Variants in HSP90AA1 observed in about 807,000 individuals in gnomAD.
HSP90AA1 encodes the protein heat shock protein 90 alpha family class A member 1, also known as heat shock protein HSP 90-alpha.
HSP90AA1 carries 18 observed loss-of-function variants against 73.3 expected under a neutral mutation model. The ratio of observed to expected loss-of-function variants is 0.25; its 90% confidence interval spans 0.17 to 0.36. The LOEUF (loss-of-function observed/expected upper bound fraction) is 0.36. Ranked by LOEUF, HSP90AA1 falls within the 10% of genes least tolerant of loss-of-function variation. HSP90AA1 has a pLI of 1.00. For missense variants in HSP90AA1, 704 were observed against 874.2 expected (o/e 0.81, Z 2.45); for synonymous variants, 477 against 296.9 (o/e 1.61, Z -6.24).
chr14:102,091,627 A>C (rs919845776), upstream of HSP90AA1, among the ~76,000 whole-genome samples: 6 of 151,948 alleles, frequency 3.9e-5, no homozygotes, highest in African/African-American at 1.4e-4. Flanking sequence ...CTGTCTCAAA[A>C]AAACAAACAA....
intron 1 of HSP90AA1, among the ~76,000 whole-genome samples, chr14:102,117,079 G>A (rs1375797189): frequency 6.6e-6 from 1 of 152,214 alleles, no homozygotes; most frequent in Non-Finnish European, 1.5e-5. Flanking sequence ...GCTCAGTGCA[G>A]CACTAACATG....
Position 102,083,289 on chromosome 14 carries a change from G to A in HSP90AA1, c.1500C>T (p.Asp500=), listed in dbSNP as rs765346190. The A allele has an allele frequency of 6.8e-6, 11 of 1,614,012 alleles. No individual in the cohort carries two copies. The highest frequency in any genetic ancestry group is 5.3e-5 in the African/African-American group (4 of 74,912). ...HIYYITGETK[D]QVANSAFVER... is the part of the protein sequence containing the mutation. ...CCACAAAGGCTGAGTTAGCTACCTG[G>A]TCCTTGGTCTCACCTGAGGTATTAC... The change falls in exon 9 of 11, where the codon GAC becomes GAT. Residue 500 remains aspartate (D), a synonymous_variant. Transcript: ENST00000216281.
In HSP90AA1 at chr14:102,081,729, T is replaced by C. The variant is rs2049103654; in HGVS notation, c.2182A>G (p.Met728Val). The change falls in exon 11 of 11, where the codon ATG becomes GTG. Residue 728 changes from methionine (M) to valine (V), a missense_variant. Coordinates refer to ENST00000216281, the MANE Select transcript of HSP90AA1 (RefSeq NM_005348.4). ...GCCAGAGATTAGTCTACTTCTTCCA[T>C]GCGTGATGTGTCGTCATCTCCTTCA... ...PLEGDDDTSR[M>V]EEVD 6.5e-7 allele frequency: 1 copy of C among 1,528,946 alleles called. No individual in the cohort carries two copies. Among genetic ancestry groups the C allele is most frequent in the Non-Finnish European group, 9.1e-7 (1 of 1,102,350 alleles). The allele number at this position is 1,528,946 out of a possible 1,614,324, so 94.7% of individuals were successfully genotyped here.
intron 1 of HSP90AA1, among the ~76,000 whole-genome samples, chr14:102,134,979 C>T (rs969624143): frequency 1.3e-5 from 2 of 151,770 alleles, no homozygotes; most frequent in Non-Finnish European, 1.5e-5. Flanking sequence ...AAAGGTTCTC[C>T]ACGTCCCCAT....
At position 102,085,309 on chromosome 14, in the gene HSP90AA1, T is replaced by A. The variant is rs748614968; in HGVS notation, c.652A>T (p.Ile218Phe). ...KKHSQFIGYP[I>F]TLFVEKERDK... Reference sequence around the variant, plus strand: ...ACATAAAAACTTACAAAAAGAGTAATGGGATATCCAATAAACTGAGAATGT... The same window carrying A: ...ACATAAAAACTTACAAAAAGAGTAAAGGGATATCCAATAAACTGAGAATGT... The change falls in exon 4 of 11, where the codon ATT becomes TTT. Residue 218 changes from isoleucine (I) to phenylalanine (F), a missense_variant. Physicochemically the swap from Ile to Phe is conservative, Grantham distance 21 (BLOSUM62 0). Transcript: ENST00000216281. 2 of 1,612,028 alleles carry A rather than the reference T, an allele frequency of 1.2e-6. No homozygotes were observed.
chr14:102,109,754 T>G (rs188607508), intron 1 of HSP90AA1, among the ~76,000 whole-genome samples: 69 of 152,024 alleles, frequency 4.5e-4, no homozygotes, highest in African/African-American at 1.7e-3. Flanking sequence ...TGATGAAAGG[T>G]TAGAACAGTT....
At chr14:102,138,013 G>GA (rs1368020915) in intron 1 of HSP90AA1, among the ~76,000 whole-genome samples, 6 of 149,768 alleles carry the variant, frequency 4.0e-5, no homozygotes, top group Non-Finnish European at 5.9e-5. Flanking sequence ...CTCCATCTAA[G>GA]AAAAAAAAAA....
At chr14:102,105,206 C>CAAAAAAA (rs35778744) in intron 1 of HSP90AA1, among the ~76,000 whole-genome samples, 1 of 20,836 alleles carries the variant, frequency 4.8e-5, no homozygotes, top group Admixed American at 4.7e-4. Flanking sequence ...GAGTCTGTCT[C>CAAAAAAA]AAAAAAAAAA....
intron 1 of HSP90AA1, among the ~76,000 whole-genome samples, chr14:102,106,612 C>T (rs964555092): frequency 6.8e-6 from 1 of 147,568 alleles, no homozygotes; most frequent in Admixed American, 6.8e-5. Context: ...TGGCACAACT[C>T]AGCTCACTGC....
chr14:102,083,997 A>G lies in HSP90AA1; in HGVS notation c.1148-14T>C, dbSNP rs752694519. 4 of 1,597,770 alleles carry G rather than the reference A, an allele frequency of 2.5e-6. No individual in the cohort carries two copies. Among genetic ancestry groups the G allele is most frequent in the Non-Finnish European group, 2.6e-6 (3 of 1,165,144 alleles). ...CTCTAATGAAGTCTGAAAAAAATATAAACCAAATGCACTGAGTCATTCCAA... is the reference window on the plus strand; with the variant it reads ...CTCTAATGAAGTCTGAAAAAAATATGAACCAAATGCACTGAGTCATTCCAA... On this transcript the variant is annotated splice_polypyrimidine_tract_variant and intron_variant, in intron 6 of 10. Transcript: ENST00000216281.
chr14:102,085,662 A>C lies in HSP90AA1; in HGVS notation c.529+96T>G. The C allele has an allele frequency of 1.7e-5, 27 of 1,573,256 alleles. 2 individuals carry two copies. The South Asian group carries it at 3.0e-4, about 18-fold the overall frequency. On this transcript the variant is annotated intron_variant, in intron 3 of 10. Transcript: ENST00000216281. ...TTGTTCCTGATCGTTGGGCAAACAC[A>C]AATTCTGTAAGCTTCACCGCATCCC... is the stretch of plus-strand genomic sequence containing the variant.
chr14:102,105,962 G>C (rs2049562651), intron 1 of HSP90AA1, among the ~76,000 whole-genome samples: 1 of 152,144 alleles, frequency 6.6e-6, no homozygotes, highest in South Asian at 2.1e-4. Context: ...TGTAATCCCA[G>C]CTGCTCGGGA....
At chr14:102,138,989 G>A (rs1303055443) in intron 1 of HSP90AA1, among the ~76,000 whole-genome samples, 1 of 151,928 alleles carries the variant, frequency 6.6e-6, no homozygotes, top group Non-Finnish European at 1.5e-5. Context: ...ATTTTATTAA[G>A]AGCTCTTCGT....
At chr14:102,125,589 C>A (rs75636299) in intron 1 of HSP90AA1, among the ~76,000 whole-genome samples, 6,809 of 152,202 alleles carry the variant, frequency 0.045, 179 homozygotes, top group Middle Eastern at 0.068. Flanking sequence ...GAATCTCCCC[C>A]GCTCAGAAAG....
At chr14:102,086,504 A>C (rs1341371875) in intron 1 of HSP90AA1, 126 bp from the exon 2 acceptor site, 1 of 1,060,630 alleles carries the variant, frequency 9.4e-7, no homozygotes, top group Admixed American at 1.8e-5. Context: ...GTAAACCGAA[A>C]ATAGAAGGGC....
intron 2 of HSP90AA1, among the ~76,000 whole-genome samples, chr14:102,100,401 A>G (rs2049477381): frequency 6.7e-6 from 1 of 149,550 alleles, no homozygotes; most frequent in Non-Finnish European, 1.5e-5. Flanking sequence ...CCCTGTCTCA[A>G]AAAAACAAAA....
rs562844147 is a variant in HSP90AA1, at chr14:102,104,701, C to T, written c.156-2616G>A. Among the ~76,000 whole-genome samples the T allele has an allele frequency of 3.9e-5, 6 of 152,206 alleles. No homozygotes were observed. The South Asian group carries it at 1.2e-3, about 32-fold the overall frequency. On this transcript the variant is annotated intron_variant, in intron 1 of 11. Transcript: ENST00000334701. ...GAATACCAGAACTTATTCCTTCTAACTGTATTTTTATACCCATTAACCAAC... is the reference window on the plus strand; with the variant it reads ...GAATACCAGAACTTATTCCTTCTAATTGTATTTTTATACCCATTAACCAAC...
intron 9 of HSP90AA1, 65 bp from the exon 10 acceptor site, chr14:102,082,509 GA>G (rs1418528255): frequency 3.8e-6 from 5 of 1,310,062 alleles, no homozygotes; most frequent in Non-Finnish European, 4.3e-6. Context: ...ATTGTGAAAT[GA>G]AATCTGTAGA....
chr14:102,094,802 G>T (rs1008780105), intron 2 of HSP90AA1, among the ~76,000 whole-genome samples: 6 of 152,146 alleles, frequency 3.9e-5, no homozygotes, highest in African/African-American at 1.4e-4. Context: ...GAGGCATTGT[G>T]GCATCTTCCC....
Sources: allele counts gnomAD v4.1 joint callset (sites outside exome capture counted in the v4.1 genomes callset), GRCh38; gene constraint gnomAD v4.1.1; transcripts MANE v1.5; gene names NCBI Gene and HGNC (gene_info 2026-07-23, HGNC 2026-07-21).